CLUAP1: variants seen among roughly 807,000 people sequenced by gnomAD.
The protein encoded by CLUAP1 is clusterin-associated protein 1.
A neutral mutation model predicts 55.0 loss-of-function variants in CLUAP1; 50 were observed. The ratio of observed to expected loss-of-function variants is 0.91; its 90% CI spans 0.72 to 1.15. CLUAP1 has a LOEUF of 1.15. CLUAP1 is among the 50% of genes most tolerant of loss of function. CLUAP1 has a pLI of 0.00. For missense variants in CLUAP1, 530 were observed against 507.6 expected (o/e 1.04, Z -0.42); for synonymous variants, 195 against 175.4 (o/e 1.11, Z -0.88).
At position 3,530,466 on chromosome 16, in the gene CLUAP1, G is replaced by T. The variant is rs533370368; in HGVS notation, c.929-102G>T. The T allele has an allele frequency of 1.7e-5, 13 of 774,372 alleles. No individual in the cohort carries two copies. In the Admixed American group the frequency reaches 2.4e-4, roughly 15 times the overall value. The allele number at this position is 774,372 out of a possible 1,614,324, so 48.0% of individuals were successfully genotyped here. On this transcript the variant is annotated intron_variant, in intron 9 of 11. Coordinates refer to ENST00000576634, the MANE Select transcript of CLUAP1 (RefSeq NM_015041.3). The stretch of plus-strand genomic sequence containing the variant: ...TGTCTTAATTTCCTGGATAGAATAA[G>T]AAATGAACAAATGACTTTTGCACAC...
intron 6 of CLUAP1, 86 bp from the exon 7 acceptor site, chr16:3,519,817 A>G (rs1408593143): frequency 7.4e-7 from 1 of 1,353,046 alleles, no homozygotes; most frequent in Non-Finnish European, 1.0e-6. Context: ...TAATGTTGCT[A>G]TGCCTGAAGA....
At chr16:3,535,950 C>T (rs932253427) in intron 11 of CLUAP1, 172 bp from the exon 12 acceptor site, 17 of 659,632 alleles carry the variant, frequency 2.6e-5, no homozygotes, top group Non-Finnish European at 3.8e-5. Flanking sequence ...TTCCAGCTGG[C>T]AGTACATAGC....
intron 1 of CLUAP1, chr16:3,502,168 C>T (rs1423098792): frequency 6.6e-6 from 1 of 152,296 alleles, no homozygotes. Context: ...TACGGCTGGG[C>T]GCAGTGGGTC....
At chr16:3,506,950 A>G (rs2037518149) in intron 3 of CLUAP1, among the ~76,000 whole-genome samples, 1 of 152,134 alleles carries the variant, frequency 6.6e-6, no homozygotes, top group African/African-American at 2.4e-5. Flanking sequence ...TAATCCCAGC[A>G]CTTTGGAAGG....
At chr16:3,507,680 T>TTGTGTGTG (rs61672090) in intron 3 of CLUAP1, among the ~76,000 whole-genome samples, 12,132 of 142,982 alleles carry the variant, frequency 0.085, 587 homozygotes, top group South Asian at 0.11. Flanking sequence ...CTTCCAGAGT[T>TTGTGTGTG]TGTGTGTGTG....
In CLUAP1 at chr16:3,526,412, G is replaced by T; in HGVS notation, c.856G>T (p.Glu286Ter). Reference protein sequence around the residue: ...HHRMEQERFEEAKNTLCLIQN... With the variant: ...HHRMEQERFE The stretch of plus-strand genomic sequence containing the variant: ...TGAGTCTGTATTTCCTCTTCCACAG[G>T]AAGCTAAAAACACTCTCTGCCTGAT... The change falls in exon 9 of 12, where the codon GAA becomes TAA. Residue 286 changes from glutamate (E) to a stop codon, truncating the protein, a stop_gained and splice_region_variant. Transcript: ENST00000576634. LOFTEE classifies it high-confidence loss of function. 3.8e-6 allele frequency: 6 copies of T among 1,599,868 alleles called. No homozygotes were observed. The highest frequency in any genetic ancestry group is 5.1e-6 in the Non-Finnish European group (6 of 1,175,614).
At chr16:3,500,899 C>T (rs1420391075), upstream of CLUAP1, 1 of 701,686 alleles carries the variant, frequency 1.4e-6, no homozygotes. Context: ...CCGGCCCGCT[C>T]TCCCCGTGCG....
At chr16:3,529,895 TTATA>T (rs1483673427) in intron 9 of CLUAP1, among the ~76,000 whole-genome samples, 3 of 104,226 alleles carry the variant, frequency 2.9e-5, no homozygotes, top group African/African-American at 7.5e-5. Flanking sequence ...ATATTTATAA[TTATA>T]TATGTTATAT....
At chr16:3,497,019 C>T (rs1489156523), upstream of CLUAP1, among the ~76,000 whole-genome samples, 1 of 151,716 alleles carries the variant, frequency 6.6e-6, no homozygotes, top group East Asian at 1.9e-4. Context: ...TACAGGCACC[C>T]ACCACCACGC....
At chr16:3,497,032 A>C (rs1298453157), upstream of CLUAP1, among the ~76,000 whole-genome samples, 1 of 151,958 alleles carries the variant, frequency 6.6e-6, no homozygotes, top group Non-Finnish European at 1.5e-5. Context: ...CACCACGCCC[A>C]ACGGATCTTT....
Position 3,520,052 on chromosome 16 carries a change from T to G in CLUAP1, c.713+16T>G. The G allele has an allele frequency of 6.3e-7, 1 of 1,592,928 alleles. No individual in the cohort carries two copies. Among genetic ancestry groups the G allele is most frequent in the South Asian group, 1.2e-5 (1 of 86,698 alleles). On this transcript the variant is annotated intron_variant, in intron 7 of 11. Coordinates refer to ENST00000576634, the MANE Select transcript of CLUAP1 (RefSeq NM_015041.3). ...AGAGTGTCAGGTAGATATGAACACTTGGAGAATGAGTAGAAAGATGTCCTG... is the reference window on the plus strand; with the variant it reads ...AGAGTGTCAGGTAGATATGAACACTGGGAGAATGAGTAGAAAGATGTCCTG...
chr16:3,503,589 G>A (rs932765586), intron 1 of CLUAP1, among the ~76,000 whole-genome samples: 34 of 149,448 alleles, frequency 2.3e-4, no homozygotes, highest in Admixed American at 2.0e-4. Context: ...AACCACCCGC[G>A]CCTGGCCTTT....
At chr16:3,512,866 GA>G (rs542506748) in intron 5 of CLUAP1, among the ~76,000 whole-genome samples, 125 of 152,190 alleles carry the variant, frequency 8.2e-4, no homozygotes, top group African/African-American at 3.0e-3. Context: ...ATTTTTAGTA[GA>G]GACAGGGTTT....
At position 3,536,919 on chromosome 16, in the gene CLUAP1, C is replaced by G. The variant is rs1045271941; in HGVS notation, c.*648C>G. On this transcript the variant is annotated 3_prime_UTR_variant, in exon 12 of 12. Transcript: ENST00000576634. The stretch of plus-strand genomic sequence containing the variant: ...AGACAGGCTCCAGATGAGGAATCCT[C>G]CATTTTCTGTCCGAAGCTGACATTC... 3 of 152,254 alleles carry G rather than the reference C, an allele frequency of 2.0e-5. No individual in the cohort carries two copies. The highest frequency in any genetic ancestry group is 2.9e-5 in the Non-Finnish European group (2 of 68,072). 9.4% of individuals were successfully genotyped at this position (152,254 alleles called of 1,614,324 possible). A position where few individuals can be genotyped will look rare whatever the true frequency, so the allele number is the denominator to read the frequency against.
chr16:3,506,492 A>C (rs1169693100), intron 3 of CLUAP1, 77 bp downstream of exon 3: 2 of 1,119,424 alleles, frequency 1.8e-6, no homozygotes, highest in South Asian at 1.2e-5. Context: ...GGCGACTTTC[A>C]AACTGTGTAA....
At chr16:3,515,477 A>G (rs775885234) in intron 5 of CLUAP1, 31 bp from the exon 6 acceptor site, 1 of 1,502,592 alleles carries the variant, frequency 6.7e-7, no homozygotes, top group Admixed American at 1.9e-5. Flanking sequence ...CTTTTCTGAA[A>G]ATATACGTAA....
chr16:3,533,090 T>G (rs2038161542), intron 11 of CLUAP1: 2 of 1,535,990 alleles, frequency 1.3e-6, no homozygotes, highest in African/African-American at 2.7e-5. Context: ...CCATTCTCGC[T>G]TTCCAAAGAT....
At chr16:3,515,999 C>T (rs2037723287) in intron 6 of CLUAP1, among the ~76,000 whole-genome samples, 1 of 152,122 alleles carries the variant, frequency 6.6e-6, no homozygotes, top group African/African-American at 2.4e-5. Flanking sequence ...ATCAGTTATC[C>T]TCTCATCTAA....
rs140291726 is a variant in CLUAP1 at position 3,501,640 on chromosome 16, G to T, written c.22+551G>T. 9.0e-3 allele frequency among the ~76,000 whole-genome samples: 1,368 copies of T among 152,266 alleles called. 21 individuals are homozygous for T. Among genetic ancestry groups the T allele is most frequent in the Non-Finnish European group, 0.016 (1,069 of 68,002 alleles). On this transcript the variant is annotated intron_variant, in intron 1 of 11. Transcript: ENST00000576634. The stretch of plus-strand genomic sequence containing the variant: ...TCTACTAAAATTACAAAATTAGCCG[G>T]GGGTGGTGGCGGGCGCCTGTAATCC...
Sources: allele counts gnomAD v4.1 joint callset (sites outside exome capture counted in the v4.1 genomes callset), GRCh38; gene constraint gnomAD v4.1.1; transcripts MANE v1.5; gene names NCBI Gene and HGNC (gene_info 2026-07-23, HGNC 2026-07-21).